The following TENM3 variants were observed in gnomAD, a reference collection of about 807,000 sequenced individuals.
The protein encoded by TENM3 is teneurin transmembrane protein 3.
TENM3 carries 63 observed loss-of-function variants against 255.1 expected under a neutral mutation model. The observed-to-expected ratio is 0.25, with a 90% CI of 0.20 to 0.30. TENM3 has a LOEUF of 0.30. Ranked by LOEUF, TENM3 falls within the 10% of genes least tolerant of loss-of-function variation. The pLI, the probability that TENM3 is intolerant of heterozygous loss-of-function variation, is 1.00. For synonymous variants in TENM3, 1,306 were observed against 1,322.3 expected (o/e 0.99, Z 0.27); for missense variants, 2,929 against 3,461.1 (o/e 0.85, Z 3.86).
chr4:181,517,428 G>A, the TENM3 span, among the ~76,000 whole-genome samples: 15 of 152,320 alleles, frequency 9.8e-5, no homozygotes, highest in East Asian at 2.9e-3. Flanking sequence ...CAGAGAAATT[G>A]TGTTAAGCCT....
chr4:182,376,100 G>A (rs1239175169), intron 3 of TENM3, among the ~76,000 whole-genome samples: 3 of 151,986 alleles, frequency 2.0e-5, no homozygotes, highest in South Asian at 4.1e-4. Flanking sequence ...TTGAGTACTC[G>A]AATTCGTCAT....
At chr4:182,633,154 A>G (rs1268799651) in intron 5 of TENM3, among the ~76,000 whole-genome samples, 2 of 152,022 alleles carry the variant, frequency 1.3e-5, no homozygotes, top group East Asian at 1.9e-4. Flanking sequence ...TTGGTCTCAA[A>G]CTCCTAGGAT....
At chr4:181,838,102 C>G in the TENM3 span, among the ~76,000 whole-genome samples, 1 of 149,884 alleles carries the variant, frequency 6.7e-6, no homozygotes, top group Non-Finnish European at 1.5e-5. Context: ...CGCGCCACTG[C>G]AACTGCAGCC....
At chr4:181,773,949 C>T in the TENM3 span, among the ~76,000 whole-genome samples, 2 of 151,258 alleles carry the variant, frequency 1.3e-5, no homozygotes, top group African/African-American at 2.4e-5. Context: ...CCAAATCTGC[C>T]TCCACTTAGC....
intron 3 of TENM3, among the ~76,000 whole-genome samples, chr4:182,438,235 G>A (rs1414055143): frequency 6.6e-6 from 1 of 152,142 alleles, no homozygotes; most frequent in Non-Finnish European, 1.5e-5. Flanking sequence ...CCTTTAGTGT[G>A]CAAACTATTT....
intron 5 of TENM3, among the ~76,000 whole-genome samples, chr4:182,633,917 T>A (rs1285230814): frequency 6.6e-6 from 1 of 152,194 alleles, no homozygotes; most frequent in East Asian, 1.9e-4. Flanking sequence ...TGCAGTATGA[T>A]GAAAGGAGGT....
At chr4:181,925,924 A>T in the TENM3 span, among the ~76,000 whole-genome samples, 2 of 152,222 alleles carry the variant, frequency 1.3e-5, no homozygotes, top group African/African-American at 4.8e-5. Context: ...ATTGGGAAAG[A>T]TAATGTGGTT....
chr4:182,588,589 G>T (rs1398537405), intron 3 of TENM3, among the ~76,000 whole-genome samples: 1 of 152,118 alleles, frequency 6.6e-6, no homozygotes, highest in Non-Finnish European at 1.5e-5. Context: ...TTATTGTCAA[G>T]ATTGGGACAG....
the TENM3 span, among the ~76,000 whole-genome samples, chr4:181,494,541 C>A: frequency 6.6e-6 from 1 of 152,188 alleles, no homozygotes; most frequent in South Asian, 2.1e-4. Flanking sequence ...CCGCCTCAGC[C>A]TCCCAAAGTG....
At chr4:181,980,713 A>G in the TENM3 span, among the ~76,000 whole-genome samples, 1 of 152,234 alleles carries the variant, frequency 6.6e-6, no homozygotes, top group Non-Finnish European at 1.5e-5. Flanking sequence ...AATATCAATT[A>G]GTCATTTAAC....
At chr4:182,450,987 G>GA (rs1773409293) in intron 3 of TENM3, among the ~76,000 whole-genome samples, 1 of 152,212 alleles carries the variant, frequency 6.6e-6, no homozygotes, top group South Asian at 2.1e-4. Flanking sequence ...TTAATAAGAT[G>GA]TGAATGGACG....
intron 3 of TENM3, among the ~76,000 whole-genome samples, chr4:182,532,851 CAAT>C (rs1312441862): frequency 2.0e-5 from 3 of 152,088 alleles, no homozygotes; most frequent in Non-Finnish European, 4.4e-5. Flanking sequence ...CTTATAAGCT[CAAT>C]GAAAAGTATG....
At chr4:182,150,324 A>G (rs1170796169) in intron 1 of TENM3, among the ~76,000 whole-genome samples, 1 of 152,060 alleles carries the variant, frequency 6.6e-6, no homozygotes, top group East Asian at 1.9e-4. Flanking sequence ...CATTTTCTGT[A>G]TGTAGCAGGG....
At chr4:182,601,533 G>T (rs1747851230) in intron 4 of TENM3, among the ~76,000 whole-genome samples, 1 of 152,158 alleles carries the variant, frequency 6.6e-6, no homozygotes, top group Admixed American at 6.5e-5. Context: ...GCATCTTCTT[G>T]GTTCTAGACC....
the TENM3 span, among the ~76,000 whole-genome samples, chr4:181,648,917 C>T: frequency 2.0e-5 from 3 of 152,144 alleles, no homozygotes; most frequent in South Asian, 2.1e-4. Context: ...AAGGACAATG[C>T]GGTGATTATA....
intron 3 of TENM3, among the ~76,000 whole-genome samples, chr4:182,357,714 T>G (rs1375781129): frequency 3.3e-5 from 5 of 150,566 alleles, no homozygotes; most frequent in Non-Finnish European, 7.4e-5. Flanking sequence ...AGAAGCTCTT[T>G]AGTTTAATTA....
At chr4:181,478,059 C>A in the TENM3 span, among the ~76,000 whole-genome samples, 1 of 152,108 alleles carries the variant, frequency 6.6e-6, no homozygotes, top group Non-Finnish European at 1.5e-5. Context: ...AAAATTATAA[C>A]CATATCAATT....
At chr4:182,214,107 T>A (rs2149911487) in intron 1 of TENM3, among the ~76,000 whole-genome samples, 1 of 152,030 alleles carries the variant, frequency 6.6e-6, no homozygotes, top group South Asian at 2.1e-4. Context: ...TAGCCAGAAA[T>A]GCAGCTTTTC....
intron 1 of TENM3, among the ~76,000 whole-genome samples, chr4:182,233,616 A>T (rs1210209968): frequency 6.6e-6 from 1 of 152,150 alleles, no homozygotes; most frequent in Non-Finnish European, 1.5e-5. Flanking sequence ...TCTAGCATAT[A>T]TTTCATTTAT....
Sources: gnomAD v4.1 joint callset for allele counts (sites outside exome capture counted in the v4.1 genomes callset) on GRCh38, gnomAD v4.1.1 for gene constraint, MANE v1.5 for transcripts, NCBI Gene and HGNC (gene_info 2026-07-23, HGNC 2026-07-21) for gene names.